AGBL4: variants seen among roughly 807,000 people sequenced by gnomAD.
AGBL4 encodes the protein AGBL carboxypeptidase 4.
Under a neutral mutation model 66.4 loss-of-function variants are expected in AGBL4, and 58 were observed. The observed-to-expected ratio is 0.87, with a 90% confidence interval of 0.71 to 1.09. The LOEUF (loss-of-function observed/expected upper bound fraction) is 1.09. Among genes scored for constraint, AGBL4 ranks in the 50% least tolerant of loss-of-function variants. The probability of loss-of-function intolerance (pLI) is 0.00; values close to 1 mark genes in which losing one functional copy is unlikely to be tolerated. For synonymous variants in AGBL4, 234 were observed against 222.9 expected (o/e 1.05, Z -0.44); for missense variants, 579 against 631.0 (o/e 0.92, Z 0.88).
chr1:49,194,607 T>C (rs1647189544), intron 4 of AGBL4, among the ~76,000 whole-genome samples: 1 of 152,230 alleles, frequency 6.6e-6, no homozygotes, highest in East Asian at 1.9e-4. Flanking sequence ...TGTTTTTTTT[T>C]CTAGACACAG....
chr1:48,845,097 T>C (rs1646881052), intron 6 of AGBL4, among the ~76,000 whole-genome samples: 1 of 152,168 alleles, frequency 6.6e-6, no homozygotes, highest in South Asian at 2.1e-4. Flanking sequence ...CAGAAGGAAG[T>C]GAATATTTCT....
chr1:49,884,146 C>G (rs191648012), intron 1 of AGBL4, among the ~76,000 whole-genome samples: 17 of 152,024 alleles, frequency 1.1e-4, no homozygotes, highest in Admixed American at 9.8e-4. Flanking sequence ...CCAAACTCAG[C>G]AAAGGCAGCA....
intron 1 of AGBL4, among the ~76,000 whole-genome samples, chr1:49,930,702 T>C (rs1052255075): frequency 1.6e-4 from 25 of 152,062 alleles, no homozygotes; most frequent in African/African-American, 4.3e-4. Context: ...TAAAAGCATA[T>C]GATGACGTCA....
At chr1:49,632,121 G>A (rs948090865) in intron 3 of AGBL4, among the ~76,000 whole-genome samples, 3 of 152,182 alleles carry the variant, frequency 2.0e-5, no homozygotes, top group African/African-American at 7.2e-5. Context: ...GAGTGTAGTA[G>A]AGAAAATGAA....
intron 5 of AGBL4, among the ~76,000 whole-genome samples, chr1:49,010,386 A>G (rs1300231853): frequency 7.6e-6 from 1 of 132,214 alleles, no homozygotes; most frequent in Non-Finnish European, 1.6e-5. Flanking sequence ...AAGAGGATAC[A>G]AACAAATGGA....
intron 4 of AGBL4, among the ~76,000 whole-genome samples, chr1:49,190,411 G>C (rs750804917): frequency 3.0e-4 from 45 of 152,158 alleles, no homozygotes; most frequent in Non-Finnish European, 5.7e-4. Flanking sequence ...AAAAGGCTTG[G>C]ATCTGAGCTT....
chr1:49,827,977 A>G (rs950256670), intron 2 of AGBL4, among the ~76,000 whole-genome samples: 1 of 152,220 alleles, frequency 6.6e-6, no homozygotes, highest in African/African-American at 2.4e-5. Flanking sequence ...AAGAGTAAGT[A>G]CTCAATAAAT....
At chr1:49,900,971 T>A (rs974165239) in intron 1 of AGBL4, among the ~76,000 whole-genome samples, 12 of 152,218 alleles carry the variant, frequency 7.9e-5, no homozygotes, top group African/African-American at 2.9e-4. Context: ...TAGGTACCAT[T>A]TATAATGATG....
chr1:49,657,636 C>T (rs1184925886), intron 3 of AGBL4, among the ~76,000 whole-genome samples: 1 of 152,180 alleles, frequency 6.6e-6, no homozygotes, highest in East Asian at 1.9e-4. Context: ...ACCAAAACAG[C>T]ATGGTACTGG....
At chr1:49,310,367 C>T (rs72684859) in intron 3 of AGBL4, among the ~76,000 whole-genome samples, 12,677 of 152,078 alleles carry the variant, frequency 0.083, 742 homozygotes, top group East Asian at 0.16. Context: ...AGGGCAGAAA[C>T]AGAAAGATCA....
At chr1:48,836,609 C>T (rs75879696) in intron 6 of AGBL4, among the ~76,000 whole-genome samples, 5,530 of 151,920 alleles carry the variant, frequency 0.036, 335 homozygotes, top group African/African-American at 0.13. Flanking sequence ...CAAAAAAACC[C>T]CACAAGAAAA....
At chr1:48,532,151 G>T (rs1389668590), downstream of AGBL4, among the ~76,000 whole-genome samples, 2 of 152,160 alleles carry the variant, frequency 1.3e-5, no homozygotes, top group Non-Finnish European at 2.9e-5. Context: ...AGGATTTGCA[G>T]ATACCTCACT....
intron 4 of AGBL4, among the ~76,000 whole-genome samples, chr1:49,108,165 C>T (rs1645335306): frequency 6.6e-6 from 1 of 152,210 alleles, no homozygotes; most frequent in Non-Finnish European, 1.5e-5. Flanking sequence ...TCCATAGCTA[C>T]TTCTCTGATA....
intron 5 of AGBL4, among the ~76,000 whole-genome samples, chr1:48,915,114 C>T (rs1653478002): frequency 6.6e-6 from 1 of 152,194 alleles, no homozygotes; most frequent in South Asian, 2.1e-4. Flanking sequence ...GAAAAAGAAA[C>T]ATTTTAGCAT....
At chr1:49,252,669 G>A (rs1407651054) in intron 3 of AGBL4, among the ~76,000 whole-genome samples, 1 of 152,082 alleles carries the variant, frequency 6.6e-6, no homozygotes. Flanking sequence ...GAAAGGTCAG[G>A]TAACCTACAA....
chr1:49,248,118 C>T (rs564006098), intron 3 of AGBL4, among the ~76,000 whole-genome samples: 1 of 152,248 alleles, frequency 6.6e-6, no homozygotes, highest in South Asian at 2.1e-4. Flanking sequence ...GCGCAGGAAA[C>T]CCTGAATTTC....
intron 8 of AGBL4, among the ~76,000 whole-genome samples, chr1:48,643,863 C>T (rs979969905): frequency 7.2e-5 from 11 of 152,182 alleles, no homozygotes; most frequent in African/African-American, 2.2e-4. Context: ...GGTCTTCTCT[C>T]TGCCACATGG....
In AGBL4 at chr1:49,221,423, T is replaced by C. The variant is rs538831146; in HGVS notation, c.377+24347A>G. Among the ~76,000 whole-genome samples, 19 of 152,254 alleles carry C rather than the reference T, an allele frequency of 1.2e-4. 1 individual carries two copies. The highest frequency in any genetic ancestry group is 4.1e-4 in the South Asian group (2 of 4,822). On this transcript the variant is annotated intron_variant, in intron 4 of 13. Transcript: ENST00000371839. ...TGGAACTACAAGATAGTACTCTCCA[T>C]ATTTCATTTATTTAAGTGGCTTCCT... is the stretch of plus-strand genomic sequence containing the variant.
intron 5 of AGBL4, among the ~76,000 whole-genome samples, chr1:48,902,657 A>G (rs1652199970): frequency 6.6e-6 from 1 of 152,068 alleles, no homozygotes; most frequent in Admixed American, 6.6e-5. Flanking sequence ...TTTCACATTC[A>G]TCCCCTCCAT....
Sources: gnomAD v4.1 joint callset for allele counts (sites outside exome capture counted in the v4.1 genomes callset) on GRCh38, gnomAD v4.1.1 for gene constraint, MANE v1.5 for transcripts, NCBI Gene and HGNC (gene_info 2026-07-23, HGNC 2026-07-21) for gene names.